MARVELD2: variants seen among roughly 807,000 people sequenced by gnomAD.
MARVELD2 encodes the protein MARVEL domain containing 2.
In MARVELD2, 49 loss-of-function variants were observed where a neutral mutation model predicts 57.6. The observed-to-expected ratio is 0.85, with a 90% confidence interval of 0.68 to 1.08. MARVELD2 has a LOEUF of 1.08. MARVELD2 is among the 50% of genes least tolerant of loss of function. The pLI, the probability that MARVELD2 is intolerant of heterozygous loss-of-function variation, is 0.00. For missense variants in MARVELD2, 606 were observed against 701.1 expected (o/e 0.86, Z 1.53); for synonymous variants, 238 against 258.8 (o/e 0.92, Z 0.77).
In MARVELD2 at chr5:69,441,789, TCTC is replaced by T. The variant is rs1245968327; in HGVS notation, c.*138_*140del. 5 of 614,418 alleles carry T rather than the reference TCTC, an allele frequency of 8.1e-6. No individual in the cohort carries two copies. Among genetic ancestry groups the T allele is most frequent in the African/African-American group, 7.5e-5 (4 of 53,690 alleles). The allele number at this position is 614,418 out of a possible 1,614,324, so 38.1% of individuals were successfully genotyped here. A position where few individuals can be genotyped will look rare whatever the true frequency, so the allele number is the denominator to read the frequency against. Reference sequence around the variant, plus strand: ...CCTCCACCTCCCGGGTTCAAGCAATTCTCCTGTTCAAGCAATTAGCCTCCCCAG... The same window carrying T: ...CCTCCACCTCCCGGGTTCAAGCAATTCTGTTCAAGCAATTAGCCTCCCCAG... On this transcript the variant is annotated 3_prime_UTR_variant, in exon 7 of 7. Coordinates refer to ENST00000325631, the MANE Select transcript of MARVELD2 (RefSeq NM_001038603.3).
At chr5:69,433,508 G>A in intron 5 of MARVELD2, 1 of 226,434 alleles carries the variant, frequency 4.4e-6, no homozygotes, top group Non-Finnish European at 8.7e-6. Flanking sequence ...CACCCAGGCT[G>A]GAGTGCAGTG....
chr5:69,436,212 C>T (rs899506234), intron 5 of MARVELD2, among the ~76,000 whole-genome samples: 5 of 151,856 alleles, frequency 3.3e-5, no homozygotes, highest in Admixed American at 6.6e-5. Flanking sequence ...AACTAAATGT[C>T]GGTCTGGCTG....
chr5:69,419,215 C>T (rs1279235121), intron 1 of MARVELD2, 156 bp from the exon 2 acceptor site: 20 of 814,720 alleles, frequency 2.5e-5, no homozygotes, highest in African/African-American at 3.4e-5. Context: ...CATGAGCCAC[C>T]GTGCCCGGTA....
chr5:69,433,153 CTTTTTTTTTTT>C (rs11345515), intron 5 of MARVELD2, 60 bp downstream of exon 5: 5 of 478,100 alleles, frequency 1.0e-5, no homozygotes, highest in Admixed American at 3.8e-5. Flanking sequence ...TAAAATCTGG[CTTTTTTTTTTT>C]TTTTTTTTTT....
At chr5:69,435,175 G>A (rs918293846) in intron 5 of MARVELD2, among the ~76,000 whole-genome samples, 1 of 150,834 alleles carries the variant, frequency 6.6e-6, no homozygotes, top group Non-Finnish European at 1.5e-5. Flanking sequence ...GTGCACACCC[G>A]GCTAATTTTT....
At position 69,432,606 on chromosome 5, in the gene MARVELD2, C is replaced by G. The variant is rs1264388762; in HGVS notation, c.1262C>G (p.Pro421Arg). ...FKELRTAKMK[P>R]ELLSGHIPPG... ...GAACTGAGAACAGCAAAAATGAAAC[C>G]TGAACTACTGAGTGGACACATCCCC... The change falls in exon 4 of 7, where the codon CCT becomes CGT. Residue 421 changes from proline (P) to arginine (R), a missense_variant. Coordinates refer to ENST00000325631, the MANE Select transcript of MARVELD2 (RefSeq NM_001038603.3). The G allele has an allele frequency of 6.2e-7, 1 of 1,614,102 alleles. No homozygotes were observed. The highest frequency in any genetic ancestry group is 1.7e-5 in the Admixed American group (1 of 59,990).
At chr5:69,429,204 C>A (rs1766884721) in intron 3 of MARVELD2, among the ~76,000 whole-genome samples, 1 of 152,042 alleles carries the variant, frequency 6.6e-6, no homozygotes, top group East Asian at 1.9e-4. Flanking sequence ...CTTTTCATAA[C>A]CTTCCCCTAG....
chr5:69,422,450 G>A (rs1766658631), intron 2 of MARVELD2, among the ~76,000 whole-genome samples: 1 of 152,154 alleles, frequency 6.6e-6, no homozygotes, highest in Admixed American at 6.6e-5. Context: ...GATAAGGGAT[G>A]AAATAAGCCC....
At chr5:69,433,912 C>CTT (rs531733396) in intron 5 of MARVELD2, among the ~76,000 whole-genome samples, 1 of 144,504 alleles carries the variant, frequency 6.9e-6, no homozygotes, top group Non-Finnish European at 1.5e-5. Context: ...AGTATTTCTT[C>CTT]TTTTTTTTTT....
intron 4 of MARVELD2, 92 bp from the exon 5 acceptor site, chr5:69,432,830 C>T (rs964912027): frequency 6.4e-7 from 1 of 1,552,454 alleles, no homozygotes; most frequent in Non-Finnish European, 8.9e-7. Context: ...ATTGAAGGTA[C>T]AATATGATCA....
chr5:69,416,836 T>C (rs1766445492), intron 1 of MARVELD2, among the ~76,000 whole-genome samples: 1 of 152,260 alleles, frequency 6.6e-6, no homozygotes, highest in Admixed American at 6.5e-5. Flanking sequence ...CTTCCTGTTT[T>C]ACCTCTTGCC....
At chr5:69,426,421 G>T (rs1017809032) in intron 3 of MARVELD2, among the ~76,000 whole-genome samples, 1 of 150,658 alleles carries the variant, frequency 6.6e-6, no homozygotes, top group Non-Finnish European at 1.5e-5. Context: ...TGCAACCTTC[G>T]CCTCCCAGGT....
At chr5:69,428,106 G>A (rs1310298777) in intron 3 of MARVELD2, among the ~76,000 whole-genome samples, 1 of 150,112 alleles carries the variant, frequency 6.7e-6, no homozygotes, top group Non-Finnish European at 1.5e-5. Flanking sequence ...GCGAGACTAT[G>A]TCTCAAAAAA....
intron 3 of MARVELD2, 46 bp from the exon 4 acceptor site, chr5:69,432,481 T>C (rs1397374432): frequency 2.5e-6 from 4 of 1,601,186 alleles, no homozygotes; most frequent in Non-Finnish European, 1.7e-6. Flanking sequence ...AGGGTTTTTT[T>C]CTACTTATGT....
chr5:69,432,676 G>T lies in MARVELD2; in HGVS notation c.1331+1G>T. On this transcript the variant is annotated splice_donor_variant, in intron 4 of 6. Transcript: ENST00000325631. LOFTEE classifies it high-confidence loss of function. The stretch of plus-strand genomic sequence containing the variant: ...CTATCGTGATGCCCGACTATGTGGC[G>T]TGAGTGTCAGTCTGAATTCTTCCTC... The T allele has an allele frequency of 6.2e-7, 1 of 1,613,982 alleles. No homozygotes were observed. The highest frequency in any genetic ancestry group is 8.5e-7 in the Non-Finnish European group (1 of 1,179,930).
At position 69,441,792 on chromosome 5, in the gene MARVELD2, C is replaced by T; in HGVS notation, c.*138C>T. The T allele has an allele frequency of 1.7e-6, 1 of 596,294 alleles. No homozygotes were observed. Among genetic ancestry groups the T allele is most frequent in the East Asian group, 3.4e-5 (1 of 29,016 alleles). 36.9% of individuals were successfully genotyped at this position (596,294 alleles called of 1,614,324 possible). A position where few individuals can be genotyped will look rare whatever the true frequency, so the allele number is the denominator to read the frequency against. ...CCACCTCCCGGGTTCAAGCAATTCT[C>T]CTGTTCAAGCAATTAGCCTCCCCAG... On this transcript the variant is annotated 3_prime_UTR_variant, in exon 7 of 7. Coordinates refer to ENST00000325631, the MANE Select transcript of MARVELD2 (RefSeq NM_001038603.3).
intron 3 of MARVELD2, among the ~76,000 whole-genome samples, chr5:69,428,844 T>C (rs1766873504): frequency 6.6e-6 from 1 of 152,038 alleles, no homozygotes; most frequent in Non-Finnish European, 1.5e-5. Flanking sequence ...CATGTGTCCA[T>C]ATGGGGGTCA....
chr5:69,419,390 C>A lies in MARVELD2; in HGVS notation c.5C>A (p.Ser2Ter), dbSNP rs978969615. 1 of 1,614,036 alleles carries A rather than the reference C, an allele frequency of 6.2e-7. No individual in the cohort carries two copies. Among genetic ancestry groups the A allele is most frequent in the African/African-American group, 1.3e-5 (1 of 74,894 alleles). The change falls in exon 2 of 7, where the codon TCA becomes TAA. Residue 2 changes from serine (S) to a stop codon, truncating the protein, a stop_gained. Coordinates refer to ENST00000325631, the MANE Select transcript of MARVELD2 (RefSeq NM_001038603.3). LOFTEE classifies it high-confidence loss of function. M[S>*]NDGRSRNRDR... ...CCACAGGTGTGAAAATCACAAATGT[C>A]AAATGATGGAAGATCCAGGAATCGG...
At chr5:69,416,534 G>T (rs1276404722) in intron 1 of MARVELD2, among the ~76,000 whole-genome samples, 6 of 152,194 alleles carry the variant, frequency 3.9e-5, no homozygotes, top group Non-Finnish European at 8.8e-5. Context: ...GGCTAAGCTG[G>T]AGGGGTGGAG....
Sources: gnomAD v4.1 joint callset for allele counts (sites outside exome capture counted in the v4.1 genomes callset) on GRCh38, gnomAD v4.1.1 for gene constraint, MANE v1.5 for transcripts, NCBI Gene and HGNC (gene_info 2026-07-23, HGNC 2026-07-21) for gene names.